Variants in MBNL2 observed in about 807,000 individuals in gnomAD.
MBNL2 encodes the protein muscleblind like splicing regulator 2.
MBNL2 carries 17 observed loss-of-function variants against 41.9 expected under a neutral mutation model. The ratio of observed to expected loss-of-function variants is 0.41; its 90% CI spans 0.28 to 0.61. MBNL2 has a LOEUF of 0.61. Ranked by LOEUF, MBNL2 falls within the 20% of genes least tolerant of loss-of-function variation. MBNL2 has a pLI of 0.35. For missense variants in MBNL2, 336 were observed against 505.6 expected, an observed-to-expected ratio of 0.66 and a Z score of 3.22; for synonymous variants, 195 against 182.9, an observed-to-expected ratio of 1.07 and a Z score of -0.53.
intron 2 of MBNL2, among the ~76,000 whole-genome samples, chr13:97,321,968 G>T (rs1386544093): frequency 6.6e-6 from 1 of 152,188 alleles, no homozygotes; most frequent in Non-Finnish European, 1.5e-5. Context: ...AAATGGGTAT[G>T]ATCTCTAAGA....
rs182758068 is a variant in MBNL2 at position 97,346,383 on chromosome 13, G to T, written c.541-421G>T. On this transcript the variant is annotated intron_variant, in intron 4 of 8. Transcript: ENST00000679496. This position sits in a 1 kb window ranked among gnomAD's most constrained non-coding sequence, Gnocchi z 4.2. ...GAATGAACAGGTGGATAGATGATTG[G>T]ATAGATTGATTGATGGTAGATGATA... Among the ~76,000 whole-genome samples, 386 of 151,942 alleles carry T rather than the reference G, an allele frequency of 2.5e-3. 2 individuals are homozygous for T. The highest frequency in any genetic ancestry group is 8.8e-3 in the African/African-American group (362 of 41,298).
rs559436257 is a variant in MBNL2 at position 97,268,395 on chromosome 13, C to T, written c.-604-7237C>T. 5.3e-5 allele frequency among the ~76,000 whole-genome samples: 8 copies of T among 152,144 alleles called. No homozygotes were observed. The highest frequency in any genetic ancestry group is 1.3e-4 in the Admixed American group (2 of 15,272). ...GGATTACAGGTGTGAGCCACTGCGCCGGGCCGAGAGTGTGCATTCCTAACA... is the reference window on the plus strand; with the variant it reads ...GGATTACAGGTGTGAGCCACTGCGCTGGGCCGAGAGTGTGCATTCCTAACA... On this transcript the variant is annotated intron_variant, in intron 1 of 8. Coordinates refer to ENST00000679496, the MANE Select transcript of MBNL2 (RefSeq NM_001382683.1). This position sits in a 1 kb window ranked among gnomAD's most constrained non-coding sequence, Gnocchi z 4.6.
intron 2 of MBNL2, among the ~76,000 whole-genome samples, chr13:97,280,543 C>T (rs767168096): frequency 5.4e-4 from 82 of 152,262 alleles, no homozygotes; most frequent in African/African-American, 9.6e-4. Flanking sequence ...TTTTTAACAC[C>T]TGCATCAGAT....
chr13:97,372,159 A>G (rs2064445033), intron 8 of MBNL2, among the ~76,000 whole-genome samples: 1 of 152,180 alleles, frequency 6.6e-6, no homozygotes, highest in African/African-American at 2.4e-5. Context: ...AGATTCTTAC[A>G]TATTAATATT....
rs73557630 is a variant in MBNL2 at position 97,284,100 on chromosome 13, C to G, written c.174+7691C>G. Among the ~76,000 whole-genome samples the G allele has an allele frequency of 2.7e-3, 407 of 152,350 alleles. 2 individuals are homozygous for G. The highest frequency in any genetic ancestry group is 9.4e-3 in the African/African-American group (392 of 41,580). On this transcript the variant is annotated intron_variant, in intron 2 of 8. Coordinates refer to ENST00000679496, the MANE Select transcript of MBNL2 (RefSeq NM_001382683.1). ...TCATCTCTGTTTCAGTTTCCTAGGG[C>G]TGTCACAACAAAGTACCACAAACCG... is the stretch of plus-strand genomic sequence containing the variant.
chr13:97,331,964 T>G (rs368407725), intron 2 of MBNL2, among the ~76,000 whole-genome samples: 1 of 152,232 alleles, frequency 6.6e-6, no homozygotes, highest in African/African-American at 2.4e-5. Context: ...TCCAGCCAAA[T>G]TGAAATGTGT....
At chr13:97,269,901 C>G (rs1376321176) in intron 1 of MBNL2, among the ~76,000 whole-genome samples, 2 of 152,192 alleles carry the variant, frequency 1.3e-5, no homozygotes, top group Admixed American at 6.5e-5. Flanking sequence ...AGAGAGGAAG[C>G]CTGAAAGTAG....
At chr13:97,240,516 C>A (rs2152808501) in intron 1 of MBNL2, among the ~76,000 whole-genome samples, 1 of 152,200 alleles carries the variant, frequency 6.6e-6, no homozygotes. Context: ...GAATAACCAC[C>A]AATGAATGCT....
chr13:97,225,979 T>G (rs1234017020), intron 1 of MBNL2, among the ~76,000 whole-genome samples: 1 of 152,208 alleles, frequency 6.6e-6, no homozygotes, highest in East Asian at 1.9e-4. Context: ...TGTAAATTAG[T>G]TAACATACTA....
intron 1 of MBNL2, among the ~76,000 whole-genome samples, chr13:97,266,946 G>A (rs775932449): frequency 7.9e-5 from 12 of 152,152 alleles, no homozygotes; most frequent in Non-Finnish European, 7.4e-5. Flanking sequence ...CTAGGAGGCC[G>A]ATGTCTGGCA....
rs1484458824 is a variant in MBNL2 at position 97,222,494 on chromosome 13, G to A, written c.-642G>A. 2.5e-6 allele frequency: 1 copy of A among 398,532 alleles called. No individual in the cohort carries two copies. The highest frequency in any genetic ancestry group is 1.3e-4 in the South Asian group (1 of 7,860). 24.7% of individuals were successfully genotyped at this position (398,532 alleles called of 1,614,324 possible). ...CTTGGTTCTGCCAGATGTTCCTGGG[G>A]TTACTGTAAATGGGAAGGACAGGCA... On this transcript the variant is annotated 5_prime_UTR_variant, in exon 1 of 9. Transcript: ENST00000679496.
chr13:97,348,314 A>T (rs1392990780), intron 5 of MBNL2, among the ~76,000 whole-genome samples: 1 of 151,088 alleles, frequency 6.6e-6, no homozygotes, highest in Non-Finnish European at 1.5e-5. Flanking sequence ...TCACACCTTT[A>T]CCTCCCAATG....
chr13:97,301,991 C>T (rs2057672493), intron 2 of MBNL2, among the ~76,000 whole-genome samples: 1 of 152,136 alleles, frequency 6.6e-6, no homozygotes, highest in Admixed American at 6.5e-5. Flanking sequence ...ATGAGGTGAC[C>T]ATATTCCAGT....
chr13:97,155,785 C>A, the MBNL2 span, among the ~76,000 whole-genome samples: 1 of 151,922 alleles, frequency 6.6e-6, no homozygotes, highest in Non-Finnish European at 1.5e-5. Flanking sequence ...TTTTCTTAAT[C>A]CAGTCTATCA....
chr13:97,153,751 G>C, the MBNL2 span, among the ~76,000 whole-genome samples: 1 of 152,154 alleles, frequency 6.6e-6, no homozygotes, highest in Non-Finnish European at 1.5e-5. Flanking sequence ...CAGAGTCCTG[G>C]TGCCCATTTA....
At chr13:97,189,317 GT>G in the MBNL2 span, among the ~76,000 whole-genome samples, 1 of 152,120 alleles carries the variant, frequency 6.6e-6, no homozygotes, top group Non-Finnish European at 1.5e-5. Flanking sequence ...GGTTCTACAG[GT>G]ACTTGGCATA....
chr13:97,255,629 G>A (rs12323277), intron 1 of MBNL2, among the ~76,000 whole-genome samples: 7 of 152,148 alleles, frequency 4.6e-5, no homozygotes, highest in South Asian at 2.1e-4. Context: ...GAGGCTACCC[G>A]TAGATGGCAG....
At chr13:97,292,729 T>C (rs1446708449) in intron 2 of MBNL2, among the ~76,000 whole-genome samples, 2 of 152,156 alleles carry the variant, frequency 1.3e-5, no homozygotes, top group Non-Finnish European at 2.9e-5. Context: ...AATCTTCACT[T>C]GAAGTAACTG....
At chr13:97,203,798 A>G in the MBNL2 span, among the ~76,000 whole-genome samples, 1 of 152,200 alleles carries the variant, frequency 6.6e-6, no homozygotes, top group African/African-American at 2.4e-5. Context: ...AGTCTTTAAA[A>G]GATTCCAATG....
Sources: gnomAD v4.1 joint callset for allele counts (sites outside exome capture counted in the v4.1 genomes callset) on GRCh38, gnomAD v4.1.1 for gene constraint, Gnocchi (gnomAD v3.1) non-coding constraint, MANE v1.5 for transcripts, NCBI Gene and HGNC (gene_info 2026-07-23, HGNC 2026-07-21) for gene names.